TIMMDC1: variants seen among roughly 807,000 people sequenced by gnomAD.
TIMMDC1 encodes complex I assembly factor TIMMDC1, mitochondrial.
A neutral mutation model predicts 32.6 loss-of-function variants in TIMMDC1; 25 were observed. The observed-to-expected ratio is 0.77, with a 90% CI of 0.56 to 1.07. The LOEUF is 1.07. Ranked by LOEUF, TIMMDC1 falls within the 50% of genes least tolerant of loss-of-function variation. The pLI is 0.00. For synonymous variants in TIMMDC1, 130 were observed against 127.6 expected, an observed-to-expected ratio of 1.02 and a Z score of -0.13; for missense variants, 329 against 349.2, an observed-to-expected ratio of 0.94 and a Z score of 0.46.
rs1449711829 is a variant in TIMMDC1, at chr3:119,524,260, T to C, written c.*504T>C. Reference sequence around the variant, plus strand: ...AAGATGATTTCTTTGACACTTGAAATAAAATACAAATTCAACAAAAAGTAG... The same window carrying C: ...AAGATGATTTCTTTGACACTTGAAACAAAATACAAATTCAACAAAAAGTAG... On this transcript the variant is annotated 3_prime_UTR_variant, in exon 7 of 7. Transcript: ENST00000494664. 6 of 152,184 alleles carry C rather than the reference T, an allele frequency of 3.9e-5. No individual in the cohort carries two copies. The East Asian group carries it at 1.2e-3, about 29-fold the overall frequency. The allele number at this position is 152,184 out of a possible 1,614,324, so 9.4% of individuals were successfully genotyped here.
intron 2 of TIMMDC1, among the ~76,000 whole-genome samples, chr3:119,501,221 AACTT>A (rs2081872502): frequency 6.6e-6 from 1 of 152,230 alleles, no homozygotes. Context: ...TAACATTTAT[AACTT>A]TATAGAGTGC....
At chr3:119,519,553 A>G (rs2082009960) in intron 6 of TIMMDC1, among the ~76,000 whole-genome samples, 1 of 152,148 alleles carries the variant, frequency 6.6e-6, no homozygotes, top group African/African-American at 2.4e-5. Context: ...AGCAAGAGGA[A>G]ATAACAACTG....
At chr3:119,508,812 T>C (rs80141465) in intron 4 of TIMMDC1, among the ~76,000 whole-genome samples, 6,237 of 152,344 alleles carry the variant, frequency 0.041, 167 homozygotes, top group Non-Finnish European at 0.061. Flanking sequence ...CTTGGTACTT[T>C]GGCATTTCAA....
In TIMMDC1 at chr3:119,498,786, T is replaced by C. The variant is rs1274779408; in HGVS notation, c.53T>C (p.Leu18Pro). ...AGCTTTCTCTGTAGAGCATTGTGCC[T>C]ATTTCCCCGAGTCTTTGCTGCCGAA... Reference protein sequence around the residue: ...PRSFLCRALCLFPRVFAAEAV... With the variant: ...PRSFLCRALCPFPRVFAAEAV... Residue 18 changes from leucine to proline, a missense_variant, in exon 1 of 7, where the codon CTA (leucine) becomes CCA (proline). Coordinates refer to ENST00000494664, the MANE Select transcript of TIMMDC1 (RefSeq NM_016589.4). 6.2e-7 allele frequency: 1 copy of C among 1,614,224 alleles called. No individual in the cohort carries two copies. The highest frequency in any genetic ancestry group is 2.2e-5 in the East Asian group (1 of 44,870).
chr3:119,503,101 G>T (rs2177812), intron 2 of TIMMDC1, among the ~76,000 whole-genome samples: 123,184 of 152,156 alleles, frequency 0.81, 49,935 homozygotes, highest in East Asian at 0.87. Flanking sequence ...AGGTTGAGCA[G>T]CACAAATCTG....
chr3:119,500,044 AC>A (rs1280492473), intron 1 of TIMMDC1, among the ~76,000 whole-genome samples: 21 of 152,320 alleles, frequency 1.4e-4, no homozygotes, highest in African/African-American at 5.1e-4. Context: ...AGCTGTGACT[AC>A]AGGCGTGTGC....
At chr3:119,519,686 C>T (rs919072773) in intron 6 of TIMMDC1, among the ~76,000 whole-genome samples, 5 of 143,930 alleles carry the variant, frequency 3.5e-5, no homozygotes, top group African/African-American at 1.2e-4. Context: ...ACACCACACT[C>T]CCAGCACTGG....
rs780730808 is a variant in TIMMDC1 at position 119,498,865 on chromosome 3, C to G, written c.132C>G (p.Tyr44Ter). ...VLEERQKRLP[Y>*]VPEPYYPESG... ...AGGAGCGTCAGAAGCGGCTTCCCTA[C>G]GTCCCAGAGCCCTATTACCCGGAAT... is the stretch of plus-strand genomic sequence containing the variant. Residue 44 changes from tyrosine (Y) to a stop codon, truncating the protein, a stop_gained, in exon 1 of 7, where the codon TAC becomes TAG. Transcript: ENST00000494664. LOFTEE classifies it high-confidence loss of function. The G allele has an allele frequency of 1.9e-5, 31 of 1,614,056 alleles. No individual in the cohort carries two copies. The highest frequency in any genetic ancestry group is 2.6e-5 in the Non-Finnish European group (31 of 1,180,022).
At chr3:119,498,990 GCAGCCTGGGT>G in intron 1 of TIMMDC1, 63 bp downstream of exon 1, 2 of 1,511,218 alleles carry the variant, frequency 1.3e-6, no homozygotes, top group Non-Finnish European at 1.8e-6. Flanking sequence ...TGCAGCGTGG[GCAGCCTGGGT>G]CAGCCTTAGG....
chr3:119,500,733 G>A lies in TIMMDC1; in HGVS notation c.233G>A (p.Cys78Tyr). ...QRISKDLANI[C>Y]KTAATAGIIG... ...ATTTCAAAGGACCTTGCTAATATCT[G>A]TAAGACGGCAGCTACAGCAGGCATC... Residue 78 changes from cysteine to tyrosine, a missense_variant, in exon 2 of 7, where the codon TGT (cysteine) becomes TAT (tyrosine). Cys to Tyr is a radical substitution (Grantham distance 194). Transcript: ENST00000494664. 2 of 1,614,058 alleles carry A rather than the reference G, an allele frequency of 1.2e-6. No individual in the cohort carries two copies. Among genetic ancestry groups the A allele is most frequent in the South Asian group, 1.1e-5 (1 of 91,054 alleles).
rs998533123 is a variant in TIMMDC1, at chr3:119,501,029, A to C, written c.360+169A>C. ...GAAGTACTAATGTTAAAGTGCCTGC[A>C]TGTTGTTTGAGAGACTACTTTGTTA... On this transcript the variant is annotated intron_variant, in intron 2 of 6. Transcript: ENST00000494664. Among the ~76,000 whole-genome samples, 3 of 152,228 alleles carry C rather than the reference A, an allele frequency of 2.0e-5. No individual in the cohort carries two copies. The East Asian group carries it at 5.8e-4, about 29-fold the overall frequency.
intron 5 of TIMMDC1, among the ~76,000 whole-genome samples, chr3:119,516,063 G>A (rs2081983947): frequency 6.6e-6 from 1 of 152,182 alleles, no homozygotes; most frequent in South Asian, 2.1e-4. Flanking sequence ...GAAGGGAAAA[G>A]TTGTAGGAGT....
Position 119,523,825 on chromosome 3 carries a change from C to G in TIMMDC1, c.*69C>G. 1.4e-6 allele frequency: 2 copies of G among 1,415,846 alleles called. No individual in the cohort carries two copies. The highest frequency in any genetic ancestry group is 1.7e-5 in the South Asian group (1 of 60,284). The allele number at this position is 1,415,846 out of a possible 1,614,324, so 87.7% of individuals were successfully genotyped here. A position where few individuals can be genotyped will look rare whatever the true frequency, so the allele number is the denominator to read the frequency against. On this transcript the variant is annotated 3_prime_UTR_variant, in exon 7 of 7. Coordinates refer to ENST00000494664, the MANE Select transcript of TIMMDC1 (RefSeq NM_016589.4). ...GCCATGTCCGATGAATGCCAACAGA[C>G]AGGCCACTCTTTGGTCAGCCTGCTG...
rs1262692482 is a variant in TIMMDC1, at chr3:119,503,688, C to G, written c.449+68C>G. 6.9e-6 allele frequency: 9 copies of G among 1,300,682 alleles called. No individual in the cohort carries two copies. The African/African-American group carries it at 1.4e-4, about 20-fold the overall frequency. The allele number at this position is 1,300,682 out of a possible 1,614,324, so 80.6% of individuals were successfully genotyped here. On this transcript the variant is annotated intron_variant, in intron 3 of 6. Coordinates refer to ENST00000494664, the MANE Select transcript of TIMMDC1 (RefSeq NM_016589.4). ...TTGTTTTAGGAGTGTGTCTTTTGAG[C>G]AGGTGGGGTTATGAAAACTGAATAC... is the stretch of plus-strand genomic sequence containing the variant.
chr3:119,519,626 A>G (rs941952061), intron 6 of TIMMDC1, among the ~76,000 whole-genome samples: 6 of 152,206 alleles, frequency 3.9e-5, no homozygotes, highest in Non-Finnish European at 7.4e-5. Context: ...AAATAATATT[A>G]GAGCTAAAGG....
chr3:119,519,851 T>C (rs1330960691), intron 6 of TIMMDC1, among the ~76,000 whole-genome samples: 2 of 152,148 alleles, frequency 1.3e-5, no homozygotes, highest in Admixed American at 6.6e-5. Context: ...ATAAACCATA[T>C]GTTAGGCTAC....
intron 4 of TIMMDC1, among the ~76,000 whole-genome samples, chr3:119,510,188 T>C (rs1473336460): frequency 6.6e-6 from 1 of 152,166 alleles, no homozygotes; most frequent in African/African-American, 2.4e-5. Flanking sequence ...ATCAGTAAAG[T>C]GTAAATATAT....
intron 5 of TIMMDC1, among the ~76,000 whole-genome samples, chr3:119,515,370 C>G (rs983866925): frequency 6.6e-6 from 1 of 152,150 alleles, no homozygotes; most frequent in African/African-American, 2.4e-5. Flanking sequence ...TTTAAACCAG[C>G]TACAGCACAT....
chr3:119,500,354 C>CT (rs1169299769), intron 1 of TIMMDC1: 5 of 177,704 alleles, frequency 2.8e-5, no homozygotes, highest in African/African-American at 1.2e-4. Context: ...AAAAATGTGC[C>CT]TAAGTATACT....
Sources: gnomAD v4.1 joint callset for allele counts (sites outside exome capture counted in the v4.1 genomes callset) on GRCh38, gnomAD v4.1.1 for gene constraint, MANE v1.5 for transcripts, NCBI Gene and HGNC (gene_info 2026-07-23, HGNC 2026-07-21) for gene names.